The following KLHL13 variants were observed in gnomAD, a reference collection of about 807,000 sequenced individuals.
The protein encoded by KLHL13 is kelch-like protein 13.
A neutral mutation model predicts 37.1 loss-of-function variants in KLHL13; 10 were observed. That is an observed-to-expected ratio of 0.27 (90% confidence interval 0.17 to 0.46). The LOEUF is 0.46. KLHL13 is among the 20% of genes least tolerant of loss of function. The pLI, the probability that KLHL13 is intolerant of heterozygous loss-of-function variation, is 1.00. For synonymous variants in KLHL13, 163 were observed against 181.2 expected (o/e 0.90, Z 0.81); for missense variants, 360 against 509.3 (o/e 0.71, Z 2.82).
Position 117,965,414 on chromosome X carries a change from C to T in KLHL13, c.98+7317G>A, listed in dbSNP as rs372208779. On this transcript the variant is annotated intron_variant, in intron 1 of 6. Transcript: ENST00000262820. ...TTGAGAAGTGTCTGTTAATATCCTT[C>T]GCCCACTTGTTGATGGGGTTGTTTT... Among the ~76,000 whole-genome samples, 58 of 111,716 alleles carry T rather than the reference C, an allele frequency of 5.2e-4. No homozygotes were observed. In the South Asian group the frequency reaches 0.019, roughly 37 times the overall value.
exon 1 of KLHL13, chrX:117,972,928 C>A: frequency 9.0e-7 from 1 of 1,115,766 alleles, no homozygotes; most frequent in Non-Finnish European, 1.2e-6. Context: ...CAGTGGCTGC[C>A]GCGGAGAACA....
intron 1 of KLHL13, among the ~76,000 whole-genome samples, chrX:118,089,793 A>G (rs143328327): frequency 8.9e-4 from 99 of 111,109 alleles, no homozygotes; most frequent in Non-Finnish European, 1.6e-3. Flanking sequence ...AAAAGTATCA[A>G]TAGGGCTGGG....
rs1007385953 is a variant in KLHL13, at chrX:117,991,739, G to A, written c.-55-46164C>T. On this transcript the variant is annotated intron_variant, in intron 1 of 6. Transcript: ENST00000371882. ...CAGCCTATAGTAAACCTGTGAAGAG[G>A]AATACACAAGAACAATTTGGGGGAG... Among the ~76,000 whole-genome samples, 4 of 110,591 alleles carry A rather than the reference G, an allele frequency of 3.6e-5. No individual in the cohort carries two copies. The Admixed American group carries it at 3.9e-4, about 11-fold the overall frequency.
chrX:118,114,250 T>G (rs1187392170), intron 1 of KLHL13, among the ~76,000 whole-genome samples: 1 of 112,434 alleles, frequency 8.9e-6, no homozygotes, highest in African/African-American at 3.2e-5. Flanking sequence ...TAATTTGAAA[T>G]GTACATAAAA....
At chrX:117,935,652 C>T (rs1016135187) in intron 2 of KLHL13, among the ~76,000 whole-genome samples, 2 of 110,995 alleles carry the variant, frequency 1.8e-5, no homozygotes, top group African/African-American at 6.5e-5. Flanking sequence ...GGAGGTGCTA[C>T]ACACTTTCAA....
chrX:117,941,647 A>G (rs2147788370), intron 2 of KLHL13, among the ~76,000 whole-genome samples: 1 of 111,531 alleles, frequency 9.0e-6, no homozygotes, highest in South Asian at 3.8e-4. Flanking sequence ...GTATTCTCTG[A>G]TGGTAGTTTC....
At chrX:118,032,099 G>A (rs954729726) in intron 1 of KLHL13, among the ~76,000 whole-genome samples, 5 of 111,300 alleles carry the variant, frequency 4.5e-5, no homozygotes, top group Admixed American at 9.5e-5. Context: ...CTAGGCCCAC[G>A]GAGTCTCCTG....
At chrX:118,079,213 T>C (rs1417267238) in intron 1 of KLHL13, among the ~76,000 whole-genome samples, 1 of 109,771 alleles carries the variant, frequency 9.1e-6, no homozygotes, top group Non-Finnish European at 1.9e-5. Flanking sequence ...CCGAGAAGCG[T>C]AAGAAAAGAT....
chrX:118,080,655 G>A (rs1287529321), intron 1 of KLHL13, among the ~76,000 whole-genome samples: 1 of 112,222 alleles, frequency 8.9e-6, no homozygotes, highest in Non-Finnish European at 1.9e-5. Flanking sequence ...CTTATACACT[G>A]TTGGTGGGAA....
At chrX:117,958,562 T>C (rs2053240517) in intron 1 of KLHL13, among the ~76,000 whole-genome samples, 1 of 109,654 alleles carries the variant, frequency 9.1e-6, no homozygotes, top group African/African-American at 3.3e-5. Context: ...AAAACTATTC[T>C]CTAAATTCAT....
intron 1 of KLHL13, among the ~76,000 whole-genome samples, chrX:118,040,812 A>C (rs940182248): frequency 8.9e-6 from 1 of 112,282 alleles, no homozygotes; most frequent in Non-Finnish European, 1.9e-5. Flanking sequence ...TAAAGCAGCA[A>C]GAGAAAAGAA....
chrX:118,050,760 T>A (rs767229275), intron 1 of KLHL13, among the ~76,000 whole-genome samples: 93 of 112,278 alleles, frequency 8.3e-4, no homozygotes, highest in African/African-American at 2.8e-3. Flanking sequence ...TGAGCCCTGA[T>A]ACACACACAT....
chrX:117,922,810 A>G (rs1357862329), intron 2 of KLHL13, among the ~76,000 whole-genome samples: 1 of 112,231 alleles, frequency 8.9e-6, no homozygotes, highest in Non-Finnish European at 1.9e-5. Flanking sequence ...AGAAGGATAT[A>G]AGTTAAAAAC....
chrX:117,948,804 A>G (rs1933446486), intron 1 of KLHL13, among the ~76,000 whole-genome samples: 1 of 111,974 alleles, frequency 8.9e-6, no homozygotes, highest in Non-Finnish European at 1.9e-5. Context: ...TGAATCACTC[A>G]ACTGTGCTTG....
chrX:118,085,506 G>A (rs1024965129), intron 1 of KLHL13, among the ~76,000 whole-genome samples: 5 of 110,040 alleles, frequency 4.5e-5, no homozygotes, highest in African/African-American at 1.7e-4. Flanking sequence ...TAGTGGTGAC[G>A]TCTAGGCTTT....
At chrX:117,946,326 C>A (rs1016309013) in intron 1 of KLHL13, 1 of 111,616 alleles carries the variant, frequency 9.0e-6, no homozygotes, top group African/African-American at 3.2e-5. Flanking sequence ...TAAATACAGG[C>A]AATTCTGTAT....
intron 2 of KLHL13, among the ~76,000 whole-genome samples, chrX:117,924,891 TTTTTAATGTTTAATG>T (rs1164298143): frequency 5.4e-5 from 6 of 110,725 alleles, no homozygotes; most frequent in South Asian, 3.8e-4. Context: ...TTTAATGCTA[TTTTTAATGTTTAATG>T]TTTTAATGTT....
chrX:117,980,222 T>C (rs2053645141), intron 1 of KLHL13, among the ~76,000 whole-genome samples: 1 of 111,999 alleles, frequency 8.9e-6, no homozygotes, highest in Non-Finnish European at 1.9e-5. Context: ...TGTTTATTTA[T>C]GATGGTTGAA....
intron 1 of KLHL13, among the ~76,000 whole-genome samples, chrX:117,993,112 G>C (rs1214314039): frequency 8.9e-6 from 1 of 112,292 alleles, no homozygotes; most frequent in African/African-American, 3.2e-5. Flanking sequence ...CAGAGGATCA[G>C]GGAAAGTTTC....
Sources: allele counts gnomAD v4.1 joint callset (sites outside exome capture counted in the v4.1 genomes callset), GRCh38; gene constraint gnomAD v4.1.1; transcripts MANE v1.5; gene names NCBI Gene and HGNC (gene_info 2026-07-23, HGNC 2026-07-21).